Variants in MRNIP observed in about 807,000 individuals in gnomAD.
MRNIP encodes the protein MRN complex interacting protein.
A neutral mutation model predicts 29.8 loss-of-function variants in MRNIP; 30 were observed. The ratio of observed to expected loss-of-function variants is 1.01; its 90% CI spans 0.75 to 1.36. MRNIP has a LOEUF of 1.36. MRNIP is among the 40% of genes most tolerant of loss of function. The probability of loss-of-function intolerance (pLI) is 0.00; values close to 1 mark genes in which losing one functional copy is unlikely to be tolerated. For synonymous variants in MRNIP, 201 were observed against 164.1 expected (o/e 1.23, Z -1.72); for missense variants, 459 against 423.5 (o/e 1.08, Z -0.74).
Position 179,837,484 on chromosome 5 carries a change from C to T in MRNIP, c.939G>A (p.Glu313=). 1 of 1,614,118 alleles carries T rather than the reference C, an allele frequency of 6.2e-7. No individual in the cohort carries two copies. Among genetic ancestry groups the T allele is most frequent in the South Asian group, 1.1e-5 (1 of 91,082 alleles). ...TSWDARTPWA[E]GGPLVLEAQN... ...GTGCCTCCAGGACCAGGGGCCCACCCTCTGCCCAGGGAGTCCTTGCGTCCC... is the reference window on the plus strand; with the variant it reads ...GTGCCTCCAGGACCAGGGGCCCACCTTCTGCCCAGGGAGTCCTTGCGTCCC... The change falls in exon 7 of 7, where the codon GAG becomes GAA. Residue 313 remains glutamate (E), a synonymous_variant. Transcript: ENST00000292586.
chr5:179,842,265 G>T (rs1332769944), intron 4 of MRNIP, among the ~76,000 whole-genome samples: 1 of 152,118 alleles, frequency 6.6e-6, no homozygotes, highest in Non-Finnish European at 1.5e-5. Context: ...GCCTCGGGAA[G>T]GCGGCAGGGC....
chr5:179,858,251 CG>C (rs1366690655), intron 1 of MRNIP, among the ~76,000 whole-genome samples: 2 of 152,164 alleles, frequency 1.3e-5, no homozygotes, highest in African/African-American at 4.8e-5. Context: ...TTTAAGACTC[CG>C]GGGCCCGTGG....
intron 2 of MRNIP, among the ~76,000 whole-genome samples, chr5:179,851,968 C>T (rs1009643294): frequency 9.9e-5 from 15 of 151,346 alleles, no homozygotes; most frequent in East Asian, 1.9e-4. Context: ...CAGAGCGAGA[C>T]TCCGTCTAAA....
At chr5:179,851,774 T>A (rs569432706) in intron 2 of MRNIP, among the ~76,000 whole-genome samples, 2 of 151,880 alleles carry the variant, frequency 1.3e-5, no homozygotes, top group Non-Finnish European at 2.9e-5. Context: ...GTCAGGAGAT[T>A]GACACCATCC....
intron 1 of MRNIP, among the ~76,000 whole-genome samples, chr5:179,855,931 C>CA (rs1759560200): frequency 8.2e-6 from 1 of 121,236 alleles, no homozygotes; most frequent in Non-Finnish European, 1.6e-5. Context: ...TTTTTTGAGA[C>CA]AGAGTCTGGC....
intron 1 of MRNIP, among the ~76,000 whole-genome samples, chr5:179,855,970 G>A (rs1220950103): frequency 2.7e-5 from 4 of 148,264 alleles, no homozygotes; most frequent in African/African-American, 5.0e-5. Flanking sequence ...GCACTGTGGC[G>A]TGATCTCGGC....
intron 1 of MRNIP, among the ~76,000 whole-genome samples, chr5:179,855,907 G>GTTTTTTTTTTTT (rs1205010985): frequency 9.0e-6 from 1 of 111,044 alleles, no homozygotes; most frequent in African/African-American, 3.4e-5. Flanking sequence ...AAGAAAAGTT[G>GTTTTTTTTTTTT]TTTTTTTTTT....
At position 179,840,485 on chromosome 5, in the gene MRNIP, C is replaced by A. The variant is rs115299750; in HGVS notation, c.537+387G>T. 2,106 of 363,138 alleles carry A rather than the reference C, an allele frequency of 5.8e-3. 63 individuals carry two copies. Among genetic ancestry groups the A allele is most frequent in the African/African-American group, 0.041 (1,982 of 47,976 alleles). The allele number at this position is 363,138 out of a possible 1,614,324, so 22.5% of individuals were successfully genotyped here. A position where few individuals can be genotyped will look rare whatever the true frequency, so the allele number is the denominator to read the frequency against. On this transcript the variant is annotated intron_variant, in intron 6 of 6. Coordinates refer to ENST00000292586, the MANE Select transcript of MRNIP (RefSeq NM_016175.4). ...ACAAGAGTCCACAGCAGGGCAAATG[C>A]GAGTGTGGAGGGAAGCATCTCCCAG...
At chr5:179,843,065 G>C (rs967285615) in intron 4 of MRNIP, among the ~76,000 whole-genome samples, 3 of 146,022 alleles carry the variant, frequency 2.1e-5, no homozygotes, top group African/African-American at 7.4e-5. Flanking sequence ...AAGGAAGGGA[G>C]GGAGGGAGGG....
At chr5:179,858,518 G>A (rs1430972597) in intron 1 of MRNIP, among the ~76,000 whole-genome samples, 1 of 152,208 alleles carries the variant, frequency 6.6e-6, no homozygotes, top group Non-Finnish European at 1.5e-5. Context: ...GGCCACCTCC[G>A]CAGAACCATT....
chr5:179,840,881 TC>T lies in MRNIP; in HGVS notation c.527del (p.Gly176AspfsTer9). ...QDSGGSEVAW[G>X]PQKGQAGLTW... The stretch of plus-strand genomic sequence containing the variant: ...ACTGTTTGTCACTGACCTTCTGGGG[TC>T]CCCAGGCGACCTCAGAGCCACCCGA... On this transcript the variant is annotated frameshift_variant, in exon 6 of 7. Coordinates refer to ENST00000292586, the MANE Select transcript of MRNIP (RefSeq NM_016175.4). LOFTEE classifies it low-confidence loss of function (END_TRUNC). 1.2e-6 allele frequency: 2 copies of T among 1,609,702 alleles called. No homozygotes were observed.
At chr5:179,855,358 G>A (rs1248595270) in intron 1 of MRNIP, among the ~76,000 whole-genome samples, 3 of 151,856 alleles carry the variant, frequency 2.0e-5, no homozygotes, top group Admixed American at 1.3e-4. Context: ...TGGTCAGGCT[G>A]GTCTCGAACT....
intron 4 of MRNIP, among the ~76,000 whole-genome samples, chr5:179,842,533 C>CAAA (rs1293432933): frequency 7.6e-6 from 1 of 131,730 alleles, no homozygotes; most frequent in Admixed American, 7.4e-5. Flanking sequence ...AAAACAACAA[C>CAAA]AAAAAAAAAA....
intron 2 of MRNIP, among the ~76,000 whole-genome samples, chr5:179,850,864 A>C (rs1451278313): frequency 6.6e-6 from 1 of 152,060 alleles, no homozygotes; most frequent in Non-Finnish European, 1.5e-5. Flanking sequence ...CCTGGCCCTC[A>C]AAGCCTCTCG....
chr5:179,841,813 C>T (rs1016694367), intron 5 of MRNIP, 94 bp downstream of exon 5: 75 of 1,367,700 alleles, frequency 5.5e-5, no homozygotes, highest in East Asian at 1.8e-4. Context: ...AGGCTTCCCG[C>T]GCTTGGCTGA....
Position 179,837,392 on chromosome 5 carries a change from C to G in MRNIP, c.1031G>C (p.Ter344SerextTer20). ...ITGEDFDDDV[*>S] ...GATTAATAACCTGCCAGTCCCAGATCACACATCATCATCGAAGTCTTCCCC... is the reference window on the plus strand; with the variant it reads ...GATTAATAACCTGCCAGTCCCAGATGACACATCATCATCGAAGTCTTCCCC... The change falls in exon 7 of 7, where the codon TGA becomes TCA. Residue 344 changes from the stop codon to serine (S), a stop_lost. Coordinates refer to ENST00000292586, the MANE Select transcript of MRNIP (RefSeq NM_016175.4). The G allele has an allele frequency of 6.3e-7, 1 of 1,588,206 alleles. No individual in the cohort carries two copies. The highest frequency in any genetic ancestry group is 8.6e-7 in the Non-Finnish European group (1 of 1,165,466).
At chr5:179,839,331 C>T (rs1371208743) in intron 6 of MRNIP, 1 of 152,084 alleles carries the variant, frequency 6.6e-6, no homozygotes, top group Non-Finnish European at 1.5e-5. Flanking sequence ...AGAGTGGGTC[C>T]CTGCAGCACT....
At chr5:179,843,114 A>C (rs1758984777) in intron 4 of MRNIP, among the ~76,000 whole-genome samples, 1 of 151,800 alleles carries the variant, frequency 6.6e-6, no homozygotes, top group Non-Finnish European at 1.5e-5. Context: ...GTGTGGAAAC[A>C]ACCTAAATGC....
At chr5:179,850,250 G>C (rs552687108) in intron 2 of MRNIP, among the ~76,000 whole-genome samples, 1 of 152,324 alleles carries the variant, frequency 6.6e-6, no homozygotes, top group African/African-American at 2.4e-5. Flanking sequence ...GATGGTACGA[G>C]ATGGAATTTG....
Sources: allele counts gnomAD v4.1 joint callset (sites outside exome capture counted in the v4.1 genomes callset), GRCh38; gene constraint gnomAD v4.1.1; transcripts MANE v1.5; gene names NCBI Gene and HGNC (gene_info 2026-07-23, HGNC 2026-07-21).